PDE6C: variants seen among roughly 807,000 people sequenced by gnomAD.
The protein encoded by PDE6C is phosphodiesterase 6C, also known as cone cGMP-specific 3',5'-cyclic phosphodiesterase subunit alpha'.
A neutral mutation model predicts 113.1 loss-of-function variants in PDE6C; 75 were observed. That is an observed-to-expected ratio of 0.66 (90% confidence interval 0.55 to 0.80). The LOEUF (loss-of-function observed/expected upper bound fraction) is 0.80. PDE6C is among the 30% of genes least tolerant of loss of function. The probability of loss-of-function intolerance (pLI) is 0.00; values close to 1 mark genes in which losing one functional copy is unlikely to be tolerated. For synonymous variants in PDE6C, 375 were observed against 363.7 expected, an observed-to-expected ratio of 1.03 and a Z score of -0.35; for missense variants, 912 against 1,038.6, an observed-to-expected ratio of 0.88 and a Z score of 1.67.
chr10:93,644,810 A>ATGTATATAGTACTATATATATAC (rs2058575620), intron 14 of PDE6C, among the ~76,000 whole-genome samples: 2 of 146,952 alleles, frequency 1.4e-5, no homozygotes, highest in South Asian at 4.2e-4. Flanking sequence ...TATATATAGT[A>ATGTATATAGTACTATATATATAC]TGTATATAGT....
intron 14 of PDE6C, 56 bp from the exon 15 acceptor site, chr10:93,645,904 G>A: frequency 1.0e-6 from 1 of 965,820 alleles, no homozygotes; most frequent in Non-Finnish European, 1.7e-6. Flanking sequence ...TGAATTGTAT[G>A]AACCTATGTG....
intron 18 of PDE6C, 148 bp from the exon 19 acceptor site, chr10:93,661,911 G>T: frequency 1.4e-6 from 1 of 691,776 alleles, no homozygotes. Context: ...ATCTGTAAAT[G>T]ACCTCTTTTT....
intron 15 of PDE6C, among the ~76,000 whole-genome samples, chr10:93,649,064 G>C (rs1192356886): frequency 6.6e-6 from 1 of 152,152 alleles, no homozygotes; most frequent in Non-Finnish European, 1.5e-5. Flanking sequence ...CGAGAGCCAC[G>C]ATCTGAATGA....
At position 93,620,616 on chromosome 10, in the gene PDE6C, T is replaced by G. The variant is rs1462186865; in HGVS notation, c.481-16T>G. 6.2e-7 allele frequency: 1 copy of G among 1,613,832 alleles called. No homozygotes were observed. Among genetic ancestry groups the G allele is most frequent in the Non-Finnish European group, 8.5e-7 (1 of 1,179,728 alleles). ...ATTTTGTGCCACTTTGACAAATATG[T>G]GACTGTCTCTTTCAGAACAGCCATT... is the stretch of plus-strand genomic sequence containing the variant. On this transcript the variant is annotated splice_polypyrimidine_tract_variant and intron_variant, in intron 1 of 21. Coordinates refer to ENST00000371447, the MANE Select transcript of PDE6C (RefSeq NM_006204.4).
Position 93,612,689 on chromosome 10 carries a change from G to A in PDE6C, c.-37G>A, listed in dbSNP as rs370130115. 34 of 1,612,318 alleles carry A rather than the reference G, an allele frequency of 2.1e-5. No homozygotes were observed. The highest frequency in any genetic ancestry group is 9.3e-5 in the African/African-American group (7 of 74,870). ...TGCCTCAGGTAGTGCTCTGAAGGTCGTCCTTTCTGAACAAACGCAGCAAAG... is the reference window on the plus strand; with the variant it reads ...TGCCTCAGGTAGTGCTCTGAAGGTCATCCTTTCTGAACAAACGCAGCAAAG... On this transcript the variant is annotated 5_prime_UTR_variant, in exon 1 of 22. Coordinates refer to ENST00000371447, the MANE Select transcript of PDE6C (RefSeq NM_006204.4).
intron 4 of PDE6C, among the ~76,000 whole-genome samples, chr10:93,624,267 G>A (rs768099858): frequency 6.6e-6 from 1 of 150,494 alleles, no homozygotes; most frequent in Non-Finnish European, 1.5e-5. Context: ...TCCTTTTTTT[G>A]AGACTCTGTC....
intron 5 of PDE6C, 64 bp downstream of exon 5, chr10:93,625,713 C>A: frequency 9.0e-7 from 1 of 1,115,714 alleles, no homozygotes; most frequent in Non-Finnish European, 1.4e-6. Flanking sequence ...ATTAAGAGGC[C>A]ACAGTGCATA....
chr10:93,616,563 T>C (rs143584995), intron 1 of PDE6C, among the ~76,000 whole-genome samples: 19 of 152,322 alleles, frequency 1.2e-4, no homozygotes, highest in Non-Finnish European at 2.8e-4. Flanking sequence ...ATTGTCATTA[T>C]GCCAGTAGGC....
At position 93,634,740 on chromosome 10, in the gene PDE6C, G is replaced by GGC; in HGVS notation, c.1120-18_1120-17insGC. 1 of 1,613,834 alleles carries GGC rather than the reference G, an allele frequency of 6.2e-7. No individual in the cohort carries two copies. The highest frequency in any genetic ancestry group is 8.5e-7 in the Non-Finnish European group (1 of 1,179,838). Reference sequence around the variant, plus strand: ...TAAAAAGGCAAAAAAATAACTTGAGGTCCCTTCTCGTTTGTAGAAAGGACC... The same window carrying GGC: ...TAAAAAGGCAAAAAAATAACTTGAGGGCTCCCTTCTCGTTTGTAGAAAGGACC... On this transcript the variant is annotated splice_polypyrimidine_tract_variant and intron_variant, in intron 8 of 21. Transcript: ENST00000371447.
At chr10:93,613,229 G>T in intron 1 of PDE6C, 24 bp downstream of exon 1, 2 of 1,613,252 alleles carry the variant, frequency 1.2e-6, no homozygotes, top group Non-Finnish European at 1.7e-6. Context: ...TGACAGTGGG[G>T]CAGAGGTCTT....
At chr10:93,664,713 CTACA>C (rs889063505) in intron 21 of PDE6C, among the ~76,000 whole-genome samples, 20 of 152,130 alleles carry the variant, frequency 1.3e-4, no homozygotes, top group African/African-American at 4.8e-4. Flanking sequence ...TTTTTTGCTA[CTACA>C]TAGAGAATTC....
chr10:93,626,937 G>T, intron 7 of PDE6C, 66 bp downstream of exon 7: 1 of 1,380,034 alleles, frequency 7.2e-7, no homozygotes, highest in Admixed American at 1.8e-5. Context: ...CTAAGAGATA[G>T]ATACAATTGT....
intron 16 of PDE6C, among the ~76,000 whole-genome samples, chr10:93,656,300 C>T (rs2058637791): frequency 6.6e-6 from 1 of 152,118 alleles, no homozygotes; most frequent in Admixed American, 6.6e-5. Flanking sequence ...GGGAGCTGAA[C>T]AATTTTGATG....
chr10:93,647,285 G>T (rs1241504550), intron 15 of PDE6C, among the ~76,000 whole-genome samples: 1 of 152,136 alleles, frequency 6.6e-6, no homozygotes, highest in Non-Finnish European at 1.5e-5. Context: ...GCCCTCTGGA[G>T]AGTGGGCTTT....
At chr10:93,630,672 CT>C (rs1470527922) in intron 8 of PDE6C, among the ~76,000 whole-genome samples, 1 of 152,122 alleles carries the variant, frequency 6.6e-6, no homozygotes, top group Non-Finnish European at 1.5e-5. Context: ...TTCTGTCTCT[CT>C]CACATACAGA....
intron 14 of PDE6C, 42 bp from the exon 15 acceptor site, chr10:93,645,918 T>A: frequency 8.2e-7 from 1 of 1,216,792 alleles, no homozygotes; most frequent in Non-Finnish European, 1.2e-6. Flanking sequence ...CTATGTGTAA[T>A]TTTTAAACAG....
chr10:93,619,808 T>C (rs1168660566), intron 1 of PDE6C, among the ~76,000 whole-genome samples: 1 of 152,174 alleles, frequency 6.6e-6, no homozygotes. Context: ...GGATTTCCTT[T>C]TTTGGGAATC....
rs567498171 is a variant in PDE6C, at chr10:93,665,905, T to A, written c.*487T>A. The A allele has an allele frequency of 4.6e-6, 1 of 215,320 alleles. No homozygotes were observed. Among genetic ancestry groups the A allele is most frequent in the South Asian group, 7.2e-5 (1 of 13,892 alleles). The allele number at this position is 215,320 out of a possible 1,614,324, so 13.3% of individuals were successfully genotyped here. A position where few individuals can be genotyped will look rare whatever the true frequency, so the allele number is the denominator to read the frequency against. On this transcript the variant is annotated 3_prime_UTR_variant, in exon 22 of 22. Coordinates refer to ENST00000371447, the MANE Select transcript of PDE6C (RefSeq NM_006204.4). Reference sequence around the variant, plus strand: ...CTTCACATGGTCTTCCCTCTGTGTGTCTGTGTCCTAATCTCCTTTTCTTAT... The same window carrying A: ...CTTCACATGGTCTTCCCTCTGTGTGACTGTGTCCTAATCTCCTTTTCTTAT...
chr10:93,626,705 G>T lies in PDE6C; in HGVS notation c.1004+1G>T, dbSNP rs958171434. The T allele has an allele frequency of 6.2e-7, 1 of 1,605,616 alleles. No homozygotes were observed. Among genetic ancestry groups the T allele is most frequent in the Non-Finnish European group, 8.5e-7 (1 of 1,172,216 alleles). On this transcript the variant is annotated splice_donor_variant, in intron 6 of 21. Coordinates refer to ENST00000371447, the MANE Select transcript of PDE6C (RefSeq NM_006204.4). LOFTEE classifies it high-confidence loss of function. ...GAAAAGAAGAGATCAAAGTGATTCC[G>T]TGAGTATTGGCAGGAAGTTGCTGCC...
Sources: gnomAD v4.1 joint callset for allele counts (sites outside exome capture counted in the v4.1 genomes callset) on GRCh38, gnomAD v4.1.1 for gene constraint, MANE v1.5 for transcripts, NCBI Gene and HGNC (gene_info 2026-07-23, HGNC 2026-07-21) for gene names.